The following RORA variants were observed in gnomAD, a reference collection of about 807,000 sequenced individuals.
RORA encodes the protein RAR related orphan receptor A.
In RORA, 7 loss-of-function variants were observed where a neutral mutation model predicts 69.5. That is an observed-to-expected ratio of 0.10 (90% CI 0.06 to 0.19). The LOEUF is 0.19. RORA is among the 10% of genes least tolerant of loss of function. The probability of loss-of-function intolerance (pLI) is 1.00; values close to 1 mark genes in which losing one functional copy is unlikely to be tolerated. For missense variants in RORA, 457 were observed against 663.0 expected (o/e 0.69, Z 3.41); for synonymous variants, 261 against 240.8 (o/e 1.08, Z -0.78).
chr15:60,772,173 C>T (rs1416455256), intron 1 of RORA, among the ~76,000 whole-genome samples: 1 of 152,042 alleles, frequency 6.6e-6, no homozygotes, highest in Admixed American at 6.6e-5. Context: ...TCGTCATTTA[C>T]ATTAGATATT....
chr15:60,883,157 AG>A (rs1375126676), intron 1 of RORA, among the ~76,000 whole-genome samples: 13,141 of 76,176 alleles, frequency 0.17, 1,129 homozygotes, highest in Non-Finnish European at 0.24. Context: ...AAAAAGAAAG[AG>A]AGAGAGAGAG....
chr15:60,866,898 C>G (rs115863567), intron 1 of RORA, among the ~76,000 whole-genome samples: 1 of 151,814 alleles, frequency 6.6e-6, no homozygotes, highest in African/African-American at 2.4e-5. Flanking sequence ...CAGAATCTTG[C>G]TCTGTCATCC....
chr15:61,070,537 T>A (rs906772317), intron 1 of RORA, among the ~76,000 whole-genome samples: 1 of 152,210 alleles, frequency 6.6e-6, no homozygotes, highest in Non-Finnish European at 1.5e-5. Flanking sequence ...TTGGACAGAT[T>A]TTTTCCACGG....
chr15:60,626,599 C>T (rs2069588620), intron 2 of RORA, among the ~76,000 whole-genome samples: 1 of 152,146 alleles, frequency 6.6e-6, no homozygotes, highest in South Asian at 2.1e-4. Context: ...CCTGTCAACC[C>T]CATCATAAAC....
chr15:60,607,040 G>A (rs979931138), intron 2 of RORA, among the ~76,000 whole-genome samples: 7 of 152,210 alleles, frequency 4.6e-5, no homozygotes, highest in Middle Eastern at 3.4e-3. Flanking sequence ...CCAGTATACC[G>A]GAGATATTTT....
intron 1 of RORA, among the ~76,000 whole-genome samples, chr15:60,823,393 C>A (rs2072919410): frequency 6.6e-6 from 1 of 152,162 alleles, no homozygotes; most frequent in East Asian, 1.9e-4. Context: ...TGTTAGTTTT[C>A]ATAACACTTA....
Position 61,061,266 on chromosome 15 carries a change from T to C in RORA, c.166+167787A>G, listed in dbSNP as rs922227556. 6.6e-6 allele frequency among the ~76,000 whole-genome samples: 1 copy of C among 151,898 alleles called. No homozygotes were observed. The highest frequency in any genetic ancestry group is 1.5e-5 in the Non-Finnish European group (1 of 67,972). ...TACTCGGGAGGCTGAGGCAGGAGAA[T>C]GGCATGAGCTCGGGAGGCAGAGCTT... On this transcript the variant is annotated intron_variant, in intron 1 of 10. Coordinates refer to ENST00000335670, the MANE Select transcript of RORA (RefSeq NM_134261.3). This position sits in a 1 kb window ranked among gnomAD's most constrained non-coding sequence, Gnocchi z 4.4.
At chr15:61,204,559 G>A (rs923495044) in intron 1 of RORA, among the ~76,000 whole-genome samples, 2 of 152,218 alleles carry the variant, frequency 1.3e-5, no homozygotes, top group Admixed American at 1.3e-4. Flanking sequence ...GGGGACACCT[G>A]AGGCCAGGTT....
intron 1 of RORA, among the ~76,000 whole-genome samples, chr15:61,118,617 GA>G (rs1164983648): frequency 1.3e-5 from 2 of 151,798 alleles, no homozygotes; most frequent in East Asian, 1.9e-4. Context: ...AGGGGAAAGA[GA>G]AAAAAAAGTC....
At chr15:60,705,506 G>A (rs890664148) in intron 1 of RORA, among the ~76,000 whole-genome samples, 4 of 152,198 alleles carry the variant, frequency 2.6e-5, no homozygotes, top group Admixed American at 6.5e-5. Flanking sequence ...GCAAAAGGCC[G>A]TAAAATGAAC....
At chr15:60,677,580 CTTTTTTTTT>C (rs71122869) in intron 2 of RORA, among the ~76,000 whole-genome samples, 2 of 139,546 alleles carry the variant, frequency 1.4e-5, no homozygotes, top group Non-Finnish European at 3.1e-5. Flanking sequence ...TTGGTTTTTT[CTTTTTTTTT>C]TTTTTCATTT....
intron 1 of RORA, among the ~76,000 whole-genome samples, chr15:60,996,143 T>G (rs1238951165): frequency 3.3e-5 from 5 of 151,650 alleles, no homozygotes; most frequent in Non-Finnish European, 5.9e-5. Context: ...AGATCTCAGC[T>G]CACTGCAACC....
At chr15:60,893,926 C>G (rs1197653801) in intron 1 of RORA, among the ~76,000 whole-genome samples, 1 of 152,176 alleles carries the variant, frequency 6.6e-6, no homozygotes, top group African/African-American at 2.4e-5. Context: ...GGACCCAAAC[C>G]CAGACCTCTC....
intron 1 of RORA, among the ~76,000 whole-genome samples, chr15:60,754,208 C>T (rs2071764937): frequency 6.6e-6 from 1 of 152,216 alleles, no homozygotes; most frequent in Admixed American, 6.5e-5. Flanking sequence ...CTTTGAAAAT[C>T]ATCGGCTGCT....
At chr15:60,864,040 C>T (rs574584352) in intron 1 of RORA, among the ~76,000 whole-genome samples, 51 of 152,198 alleles carry the variant, frequency 3.4e-4, no homozygotes, top group Non-Finnish European at 4.9e-4. Context: ...CTCCTGACCT[C>T]GTGATCCGCC....
chr15:60,687,258 G>T (rs1485605851), intron 1 of RORA, among the ~76,000 whole-genome samples: 1 of 152,128 alleles, frequency 6.6e-6, no homozygotes, highest in African/African-American at 2.4e-5. Context: ...TAGAGAGGTG[G>T]TGACCAGTTA....
chr15:60,626,744 G>T (rs749980923), intron 2 of RORA, among the ~76,000 whole-genome samples: 25 of 152,088 alleles, frequency 1.6e-4, no homozygotes, highest in Non-Finnish European at 1.0e-4. Flanking sequence ...CCCTCTCGTG[G>T]GCAGAACAGT....
chr15:61,200,218 A>G (rs1256406604), intron 1 of RORA, among the ~76,000 whole-genome samples: 3 of 152,168 alleles, frequency 2.0e-5, no homozygotes, highest in African/African-American at 4.8e-5. Context: ...CGTTTCTGGC[A>G]TCAACTGACT....
intron 1 of RORA, among the ~76,000 whole-genome samples, chr15:61,167,216 C>G (rs1433443246): frequency 6.6e-6 from 1 of 152,124 alleles, no homozygotes; most frequent in Non-Finnish European, 1.5e-5. Context: ...TGTCAACCTG[C>G]TAGGAATTAC....
Sources: gnomAD v4.1 joint callset for allele counts (sites outside exome capture counted in the v4.1 genomes callset) on GRCh38, gnomAD v4.1.1 for gene constraint, Gnocchi (gnomAD v3.1) non-coding constraint, MANE v1.5 for transcripts, NCBI Gene and HGNC (gene_info 2026-07-23, HGNC 2026-07-21) for gene names.